Variants in STPG2 observed in about 807,000 individuals in gnomAD.
STPG2 encodes the protein sperm-tail PG-rich repeat-containing protein 2.
Under a neutral mutation model 54.2 loss-of-function variants are expected in STPG2, and 56 were observed. The observed-to-expected ratio is 1.03, with a 90% CI of 0.83 to 1.29. The LOEUF (loss-of-function observed/expected upper bound fraction) is 1.29, where lower values mean the gene tolerates loss of function less well. Among genes scored for constraint, STPG2 ranks in the 50% most tolerant of loss-of-function variants. The pLI, the probability that STPG2 is intolerant of heterozygous loss-of-function variation, is 0.00. For synonymous variants in STPG2, 200 were observed against 181.8 expected, an observed-to-expected ratio of 1.10 and a Z score of -0.81; for missense variants, 596 against 544.9, an observed-to-expected ratio of 1.09 and a Z score of -0.93.
chr4:97,763,458 A>G (rs1725947829), intron 9 of STPG2, among the ~76,000 whole-genome samples: 1 of 152,192 alleles, frequency 6.6e-6, no homozygotes, highest in South Asian at 2.1e-4. Flanking sequence ...TTCATCCAAC[A>G]TGTTTCTAGT....
At chr4:97,823,587 C>T (rs1239282152) in intron 9 of STPG2, among the ~76,000 whole-genome samples, 3 of 152,160 alleles carry the variant, frequency 2.0e-5, no homozygotes, top group African/African-American at 7.2e-5. Context: ...TTTCATTTTA[C>T]TCTGTGGATT....
intron 4 of STPG2, among the ~76,000 whole-genome samples, chr4:97,541,757 T>C (rs1009276137): frequency 5.3e-5 from 8 of 152,176 alleles, no homozygotes; most frequent in African/African-American, 1.9e-4. Context: ...AGCATGGTAC[T>C]GGTACCAAAA....
chr4:98,001,971 T>C (rs971453781), intron 5 of STPG2, among the ~76,000 whole-genome samples: 8 of 152,156 alleles, frequency 5.3e-5, no homozygotes, highest in Non-Finnish European at 1.0e-4. Flanking sequence ...AAAAATATTC[T>C]TCTACGTGGA....
chr4:97,899,992 C>T (rs929536948), intron 8 of STPG2, among the ~76,000 whole-genome samples: 1 of 150,856 alleles, frequency 6.6e-6, no homozygotes, highest in South Asian at 2.1e-4. Context: ...AGACAACCTA[C>T]AGAATGGAAG....
intron 8 of STPG2, chr4:97,917,132 A>G (rs1731909711): frequency 6.6e-6 from 1 of 152,626 alleles, no homozygotes; most frequent in Admixed American, 6.5e-5. Flanking sequence ...ATCCTGTCCC[A>G]GAAAACTCCA....
intron 5 of STPG2, chr4:98,025,764 G>C: frequency 6.4e-7 from 1 of 1,567,300 alleles, no homozygotes; most frequent in Non-Finnish European, 8.7e-7. Context: ...GAGGTGACTG[G>C]CGATGAATAC....
chr4:98,093,327 A>C (rs985314919), intron 5 of STPG2, among the ~76,000 whole-genome samples: 3 of 152,216 alleles, frequency 2.0e-5, no homozygotes, highest in Non-Finnish European at 2.9e-5. Context: ...AAATATTCAA[A>C]AGATATATTA....
chr4:97,899,908 T>A (rs1268368272), intron 8 of STPG2, among the ~76,000 whole-genome samples: 1 of 152,046 alleles, frequency 6.6e-6, no homozygotes. Flanking sequence ...GACACAGGAA[T>A]GGGCAAAGAT....
intron 2 of STPG2, among the ~76,000 whole-genome samples, chr4:98,128,920 G>C (rs935724027): frequency 4.6e-5 from 7 of 151,988 alleles, no homozygotes; most frequent in Admixed American, 2.6e-4. Context: ...TCTTAGTAGA[G>C]ACAGGGTTTT....
At chr4:98,127,370 C>T (rs1002281816) in intron 3 of STPG2, among the ~76,000 whole-genome samples, 1 of 151,954 alleles carries the variant, frequency 6.6e-6, no homozygotes, top group African/African-American at 2.4e-5. Context: ...GATCTAAAAC[C>T]CCAAAAACTT....
intron 8 of STPG2, among the ~76,000 whole-genome samples, chr4:97,890,030 T>G (rs980352283): frequency 6.6e-6 from 1 of 152,128 alleles, no homozygotes; most frequent in Non-Finnish European, 1.5e-5. Context: ...AAGGAGCTAT[T>G]AAAGGCAATC....
At chr4:98,121,692 C>T (rs1311664179) in intron 3 of STPG2, among the ~76,000 whole-genome samples, 1 of 147,276 alleles carries the variant, frequency 6.8e-6, no homozygotes, top group Admixed American at 6.8e-5. Flanking sequence ...CTCTGCTTGT[C>T]TCTTGTTGGT....
intron 10 of STPG2, among the ~76,000 whole-genome samples, chr4:97,637,975 C>T: frequency 6.6e-6 from 1 of 151,706 alleles, no homozygotes; most frequent in Non-Finnish European, 1.5e-5. Context: ...ACTTTCTTCA[C>T]AGAATTGGAA....
At chr4:97,693,178 G>A (rs577493089) in intron 10 of STPG2, among the ~76,000 whole-genome samples, 1 of 150,874 alleles carries the variant, frequency 6.6e-6, no homozygotes, top group African/African-American at 2.4e-5. Flanking sequence ...CAAATAGCAT[G>A]ATGAATAGAA....
chr4:97,755,338 C>T (rs1725696088), intron 9 of STPG2, among the ~76,000 whole-genome samples: 1 of 152,162 alleles, frequency 6.6e-6, no homozygotes, highest in Non-Finnish European at 1.5e-5. Flanking sequence ...CTGAATTACT[C>T]ATTCATAGAA....
chr4:97,564,377 C>G (rs1301669835), intron 10 of STPG2, among the ~76,000 whole-genome samples: 1 of 152,164 alleles, frequency 6.6e-6, no homozygotes, highest in African/African-American at 2.4e-5. Context: ...TGGGTCTTGA[C>G]TCTTTATCCA....
intron 5 of STPG2, among the ~76,000 whole-genome samples, chr4:98,092,920 T>C (rs978138795): frequency 7.9e-5 from 12 of 152,150 alleles, no homozygotes; most frequent in African/African-American, 2.9e-4. Context: ...TTTGCTCAAA[T>C]GAACTTCAAG....
At chr4:98,122,295 C>T (rs996907552) in intron 3 of STPG2, among the ~76,000 whole-genome samples, 22 of 152,184 alleles carry the variant, frequency 1.4e-4, no homozygotes, top group Non-Finnish European at 2.9e-4. Context: ...AAAAGGAATG[C>T]TCCCAGGTTT....
intron 9 of STPG2, among the ~76,000 whole-genome samples, chr4:97,797,696 G>C (rs192863464): frequency 6.6e-6 from 1 of 152,134 alleles, no homozygotes; most frequent in Non-Finnish European, 1.5e-5. Context: ...GATGTTGCTG[G>C]CCTCACAAAT....
Sources: gnomAD v4.1 joint callset for allele counts (sites outside exome capture counted in the v4.1 genomes callset) on GRCh38, gnomAD v4.1.1 for gene constraint, MANE v1.5 for transcripts, NCBI Gene and HGNC (gene_info 2026-07-23, HGNC 2026-07-21) for gene names.